The following PRKG2 variants were observed in gnomAD, a reference collection of about 807,000 sequenced individuals.
PRKG2 encodes the protein protein kinase cGMP-dependent 2, also known as cGMP-dependent protein kinase 2.
PRKG2 carries 33 observed loss-of-function variants against 97.2 expected under a neutral mutation model. The observed-to-expected ratio is 0.34, with a 90% CI of 0.26 to 0.45. The LOEUF is 0.45. PRKG2 is among the 20% of genes least tolerant of loss of function. The probability of loss-of-function intolerance (pLI) is 1.00; values close to 1 mark genes in which losing one functional copy is unlikely to be tolerated. For missense variants in PRKG2, 638 were observed against 900.0 expected, an observed-to-expected ratio of 0.71 and a Z score of 3.73; for synonymous variants, 330 against 321.8, an observed-to-expected ratio of 1.03 and a Z score of -0.27.
intron 14 of PRKG2, among the ~76,000 whole-genome samples, chr4:81,131,843 G>A (rs1746209425): frequency 6.6e-6 from 1 of 152,066 alleles, no homozygotes. Flanking sequence ...CTTGATTACT[G>A]TAGCTTTATT....
intron 2 of PRKG2, among the ~76,000 whole-genome samples, chr4:81,200,213 T>C (rs975423375): frequency 9.2e-5 from 14 of 152,194 alleles, no homozygotes; most frequent in Non-Finnish European, 2.9e-5. Context: ...TGGGCAGAAA[T>C]GCTATGTGAG....
intron 14 of PRKG2, among the ~76,000 whole-genome samples, chr4:81,125,756 A>C (rs1353326991): frequency 6.6e-6 from 1 of 152,182 alleles, no homozygotes; most frequent in Non-Finnish European, 1.5e-5. Flanking sequence ...GCCTCACTAA[A>C]ACTTGGTATT....
chr4:81,119,536 G>C (rs957176023), intron 14 of PRKG2, among the ~76,000 whole-genome samples: 1 of 152,020 alleles, frequency 6.6e-6, no homozygotes, highest in African/African-American at 2.4e-5. Context: ...CTTGACATTG[G>C]GAAGTGTCAG....
intron 1 of PRKG2, among the ~76,000 whole-genome samples, chr4:81,207,417 C>T (rs956372887): frequency 1.3e-5 from 2 of 152,154 alleles, no homozygotes; most frequent in Non-Finnish European, 2.9e-5. Context: ...TAACAACTAA[C>T]TCATTTTTGT....
rs757954080 is a variant in PRKG2, at chr4:81,169,689, A to G, written c.822T>C (p.Asp274=). Residue 274 remains aspartate (D), a synonymous_variant, in exon 5 of 19, where the codon GAT becomes GAC. Transcript: ENST00000264399. Reference sequence around the variant, plus strand: ...TTCTGAGGAAGTTTCTGTATTGTTCATCTCTAGCTTGGGCTGTCCTCCTCA... The same window carrying G: ...TTCTGAGGAAGTTTCTGTATTGTTCGTCTCTAGCTTGGGCTGTCCTCCTCA... ...NIMRRTAQAR[D]EQYRNFLRSV... The G allele has an allele frequency of 1.0e-5, 16 of 1,607,302 alleles. No individual in the cohort carries two copies. The highest frequency in any genetic ancestry group is 8.0e-5 in the African/African-American group (6 of 74,648).
chr4:81,141,018 T>C (rs1027676628), intron 11 of PRKG2, among the ~76,000 whole-genome samples: 1 of 151,906 alleles, frequency 6.6e-6, no homozygotes, highest in African/African-American at 2.4e-5. Context: ...TTTATTATTA[T>C]TATTATTATT....
intron 14 of PRKG2, among the ~76,000 whole-genome samples, chr4:81,114,562 A>C (rs1448830838): frequency 6.6e-6 from 1 of 152,242 alleles, no homozygotes; most frequent in Non-Finnish European, 1.5e-5. Context: ...TGGTCTGGCT[A>C]ATAATGGTCT....
intron 6 of PRKG2, among the ~76,000 whole-genome samples, chr4:81,165,700 G>T (rs1749922669): frequency 6.6e-6 from 1 of 151,976 alleles, no homozygotes; most frequent in Non-Finnish European, 1.5e-5. Flanking sequence ...TCCTTTCCAG[G>T]GTGTTTGAAA....
At chr4:81,213,593 A>G (rs982968206) in intron 1 of PRKG2, among the ~76,000 whole-genome samples, 5 of 152,358 alleles carry the variant, frequency 3.3e-5, no homozygotes, top group African/African-American at 9.6e-5. Flanking sequence ...CTGCAAGACG[A>G]TATCATGATT....
intron 14 of PRKG2, among the ~76,000 whole-genome samples, chr4:81,113,819 A>C (rs1220796887): frequency 6.6e-6 from 1 of 152,138 alleles, no homozygotes; most frequent in Non-Finnish European, 1.5e-5. Flanking sequence ...GGTAAAATGG[A>C]ATCTGTTTAA....
intron 14 of PRKG2, among the ~76,000 whole-genome samples, chr4:81,129,027 T>C (rs996560375): frequency 3.3e-5 from 5 of 152,224 alleles, no homozygotes; most frequent in Non-Finnish European, 5.9e-5. Context: ...TTTGTTCTCA[T>C]TGGTTTCAAA....
At chr4:81,196,308 G>C (rs908396615) in intron 2 of PRKG2, among the ~76,000 whole-genome samples, 2 of 152,222 alleles carry the variant, frequency 1.3e-5, no homozygotes, top group Non-Finnish European at 2.9e-5. Flanking sequence ...GCTGACGTCA[G>C]AGAAGATGAC....
chr4:81,158,182 C>T (rs1749278933), intron 6 of PRKG2, among the ~76,000 whole-genome samples: 1 of 146,506 alleles, frequency 6.8e-6, no homozygotes, highest in Admixed American at 6.6e-5. Context: ...TAGAAAACCC[C>T]ATTGTCTCAG....
intron 17 of PRKG2, among the ~76,000 whole-genome samples, chr4:81,101,744 A>G (rs1742813824): frequency 6.6e-6 from 1 of 151,928 alleles, no homozygotes. Context: ...GACAAATAGA[A>G]AAAAGAAAAA....
Position 81,190,108 on chromosome 4 carries a change from C to T in PRKG2, c.461+14479G>A, listed in dbSNP as rs564714878. 3.9e-5 allele frequency among the ~76,000 whole-genome samples: 6 copies of T among 152,192 alleles called. No individual in the cohort carries two copies. In the East Asian group the frequency reaches 5.8e-4, roughly 15 times the overall value. On this transcript the variant is annotated intron_variant, in intron 2 of 18. Coordinates refer to ENST00000264399, the MANE Select transcript of PRKG2 (RefSeq NM_006259.3). Reference sequence around the variant, plus strand: ...ATTTCATATGAAACCAAAAAAGAGCCGGGATAGCCAAGACAATCCTAAGCA... The same window carrying T: ...ATTTCATATGAAACCAAAAAAGAGCTGGGATAGCCAAGACAATCCTAAGCA...
intron 17 of PRKG2, among the ~76,000 whole-genome samples, chr4:81,102,752 A>T (rs1327988581): frequency 6.6e-6 from 1 of 152,186 alleles, no homozygotes; most frequent in Non-Finnish European, 1.5e-5. Flanking sequence ...AAGTTCATTA[A>T]CACATACAGT....
chr4:81,124,657 G>GT (rs1363154252), intron 14 of PRKG2, among the ~76,000 whole-genome samples: 1 of 152,100 alleles, frequency 6.6e-6, no homozygotes, highest in African/African-American at 2.4e-5. Context: ...GCACATGAGG[G>GT]AGTCACCTTG....
intron 2 of PRKG2, among the ~76,000 whole-genome samples, chr4:81,193,655 C>A (rs1752748612): frequency 6.6e-6 from 1 of 152,080 alleles, no homozygotes; most frequent in African/African-American, 2.4e-5. Flanking sequence ...GCCTGGCCAA[C>A]ATGGTGCAAC....
intron 2 of PRKG2, among the ~76,000 whole-genome samples, chr4:81,199,176 C>T (rs1181189044): frequency 6.6e-6 from 1 of 152,024 alleles, no homozygotes; most frequent in Non-Finnish European, 1.5e-5. Context: ...TCTCATATGG[C>T]AACATGTAAG....
Sources: allele counts gnomAD v4.1 joint callset (sites outside exome capture counted in the v4.1 genomes callset), GRCh38; gene constraint gnomAD v4.1.1; transcripts MANE v1.5; gene names NCBI Gene and HGNC (gene_info 2026-07-23, HGNC 2026-07-21).